Variants in RARB observed in about 807,000 individuals in gnomAD.
The protein encoded by RARB is retinoic acid receptor beta.
RARB carries 17 observed loss-of-function variants against 51.9 expected under a neutral mutation model. That is an observed-to-expected ratio of 0.33 (90% CI 0.22 to 0.49). RARB has a LOEUF of 0.49. RARB is among the 20% of genes least tolerant of loss of function. The pLI is 0.99. For synonymous variants in RARB, 215 were observed against 195.4 expected (o/e 1.10, Z -0.84); for missense variants, 369 against 550.8 (o/e 0.67, Z 3.30).
rs369022925 is a variant in RARB, at chr3:25,004,469, A to T, written c.-379-55656A>T. Among the ~76,000 whole-genome samples, 50 of 152,246 alleles carry T rather than the reference A, an allele frequency of 3.3e-4. 1 individual carries two copies. In the South Asian group the frequency reaches 8.3e-3, roughly 25 times the overall value. The stretch of plus-strand genomic sequence containing the variant: ...GTCATCACATGGTGGAAGGGCAGAG[A>T]GGGCTACAGCAAGGGCTGAACTTGC... On this transcript the variant is annotated intron_variant, in intron 2 of 11. Transcript: ENST00000383772.
chr3:25,309,486 CTTTTTTTTTT>C (rs149976069), intron 5 of RARB, among the ~76,000 whole-genome samples: 834 of 58,034 alleles, frequency 0.014, 17 homozygotes, highest in African/African-American at 0.052. Context: ...CTCATAGTTG[CTTTTTTTTTT>C]TTTTTTTTTT....
chr3:24,863,639 A>C (rs1702796050), intron 2 of RARB, among the ~76,000 whole-genome samples: 1 of 152,152 alleles, frequency 6.6e-6, no homozygotes, highest in Non-Finnish European at 1.5e-5. Flanking sequence ...AATCCAATTT[A>C]ATTAGAGAAC....
intron 3 of RARB, among the ~76,000 whole-genome samples, chr3:25,514,864 C>G (rs1698081193): frequency 6.6e-6 from 1 of 152,068 alleles, no homozygotes; most frequent in Non-Finnish European, 1.5e-5. Context: ...TGAAGGAGTC[C>G]CACTTTATGT....
chr3:25,045,572 A>G (rs1323411175), intron 2 of RARB, among the ~76,000 whole-genome samples: 4 of 152,314 alleles, frequency 2.6e-5, no homozygotes, highest in Admixed American at 6.5e-5. Context: ...TGCTACTTCT[A>G]CTACAGTGTG....
chr3:25,237,135 A>G (rs1293437797), intron 5 of RARB, among the ~76,000 whole-genome samples: 3 of 152,044 alleles, frequency 2.0e-5, no homozygotes, highest in Non-Finnish European at 4.4e-5. Flanking sequence ...TTTAATAGTT[A>G]AAAGCTTTCT....
intron 3 of RARB, among the ~76,000 whole-genome samples, chr3:25,099,952 A>G (rs1699369100): frequency 1.3e-5 from 2 of 152,158 alleles, no homozygotes; most frequent in African/African-American, 2.4e-5. Flanking sequence ...TTGGCCTACG[A>G]TCTTAATTTA....
intron 5 of RARB, among the ~76,000 whole-genome samples, chr3:25,202,958 G>A (rs889052092): frequency 3.3e-5 from 5 of 152,108 alleles, no homozygotes; most frequent in Non-Finnish European, 5.9e-5. Context: ...GGTCTGCTTG[G>A]TGCAGAGCTG....
chr3:24,908,694 C>A (rs539257381), intron 2 of RARB, among the ~76,000 whole-genome samples: 6 of 99,096 alleles, frequency 6.1e-5, no homozygotes, highest in East Asian at 3.1e-4. Flanking sequence ...TTTTTACTAA[C>A]CTACAGTTAA....
intron 2 of RARB, among the ~76,000 whole-genome samples, chr3:24,939,568 CAA>C (rs1447517663): frequency 1.3e-5 from 2 of 152,128 alleles, no homozygotes; most frequent in Non-Finnish European, 2.9e-5. Flanking sequence ...ATATTCTAGT[CAA>C]AGAGAGTTTC....
chr3:25,413,064 C>G (rs933397971), intron 5 of RARB, among the ~76,000 whole-genome samples: 3 of 151,774 alleles, frequency 2.0e-5, no homozygotes, highest in Non-Finnish European at 2.9e-5. Context: ...AAATATGACC[C>G]GAACACCAAA....
chr3:25,025,991 A>G (rs1697740567), intron 2 of RARB, among the ~76,000 whole-genome samples: 1 of 152,178 alleles, frequency 6.6e-6, no homozygotes, highest in South Asian at 2.1e-4. Context: ...GCAATCCCAA[A>G]TTAATGAGAC....
At chr3:25,306,502 TAA>T (rs879672866) in intron 5 of RARB, among the ~76,000 whole-genome samples, 6 of 142,706 alleles carry the variant, frequency 4.2e-5, no homozygotes, top group African/African-American at 5.1e-5. Context: ...ATTCATTCTT[TAA>T]AAAAAAAAAA....
intron 2 of RARB, among the ~76,000 whole-genome samples, chr3:25,467,288 A>C (rs546849234): frequency 6.6e-6 from 1 of 152,352 alleles, no homozygotes; most frequent in South Asian, 2.1e-4. Flanking sequence ...ATGTCTTAAA[A>C]CAATAGACAT....
At chr3:25,274,061 T>C (rs1703320239) in intron 5 of RARB, among the ~76,000 whole-genome samples, 1 of 152,190 alleles carries the variant, frequency 6.6e-6, no homozygotes. Context: ...AGCCCAGAGC[T>C]GCCTAGTAGA....
exon 5 of RARB, chr3:25,174,202 A>G: frequency 3.4e-6 from 1 of 295,822 alleles, no homozygotes; most frequent in South Asian, 3.6e-5. Flanking sequence ...TCCTTCCTGT[A>G]ATCAGTGTAG....
chr3:25,305,415 T>C (rs1441111327), intron 5 of RARB, among the ~76,000 whole-genome samples: 3 of 152,150 alleles, frequency 2.0e-5, no homozygotes, highest in African/African-American at 7.2e-5. Flanking sequence ...ACGTCAAATA[T>C]ATAGTGATAT....
intron 5 of RARB, among the ~76,000 whole-genome samples, chr3:25,367,667 A>T (rs1016256711): frequency 1.8e-4 from 28 of 151,358 alleles, no homozygotes; most frequent in Admixed American, 5.9e-4. Context: ...AAAAAAAAAA[A>T]ATACCAAAAT....
At chr3:25,545,456 G>A (rs979600369) in intron 3 of RARB, among the ~76,000 whole-genome samples, 2 of 152,124 alleles carry the variant, frequency 1.3e-5, no homozygotes, top group African/African-American at 4.8e-5. Context: ...GAAGCTGCAG[G>A]AGAACCTAGA....
rs145463938 is a variant in RARB, at chr3:24,993,807, T to G, written c.-379-66318T>G. Among the ~76,000 whole-genome samples, 757 of 152,260 alleles carry G rather than the reference T, an allele frequency of 5.0e-3. 6 individuals carry two copies. The highest frequency in any genetic ancestry group is 0.018 in the African/African-American group (733 of 41,540). The stretch of plus-strand genomic sequence containing the variant: ...TTCACTTAACATATGATCCTCCAGT[T>G]CCATTCATTTTGCCACAAAAGACAG... On this transcript the variant is annotated intron_variant, in intron 2 of 11. Coordinates refer to the RARB transcript ENST00000383772.
Sources: gnomAD v4.1 joint callset for allele counts (sites outside exome capture counted in the v4.1 genomes callset) on GRCh38, gnomAD v4.1.1 for gene constraint, MANE v1.5 for transcripts, NCBI Gene and HGNC (gene_info 2026-07-23, HGNC 2026-07-21) for gene names.